RAB31: variants seen among roughly 807,000 people sequenced by gnomAD.
The protein encoded by RAB31 is RAB31, member RAS oncogene family.
A neutral mutation model predicts 25.6 loss-of-function variants in RAB31; 21 were observed. The ratio of observed to expected loss-of-function variants is 0.82; its 90% CI spans 0.58 to 1.18. The LOEUF is 1.18. RAB31 is among the 50% of genes most tolerant of loss of function. The pLI is 0.00. For missense variants in RAB31, 196 were observed against 250.1 expected (o/e 0.78, Z 1.46); for synonymous variants, 87 against 84.0 (o/e 1.04, Z -0.20).
Position 9,774,873 on chromosome 18 carries a change from T to G in RAB31, c.40-405T>G, listed in dbSNP as rs778579268. ...AAGGGTGATGCCTAGAGAAACAGAT[T>G]ACGTGTCTTTTGAATGCAAGGTTTT... On this transcript the variant is annotated intron_variant, in intron 1 of 6. Transcript: ENST00000578921. 5 of 519,618 alleles carry G rather than the reference T, an allele frequency of 9.6e-6. No individual in the cohort carries two copies. In the Admixed American group the frequency reaches 9.7e-5, roughly 10 times the overall value. 32.2% of individuals were successfully genotyped at this position (519,618 alleles called of 1,614,324 possible).
Position 9,839,041 on chromosome 18 carries a change from G to A in RAB31, c.381-6541G>A, listed in dbSNP as rs192023543. ...GCCTCCTGAGAGCCAGGTAATGTGAGGATCCCTGGACATGAAAACAAAAGC... is the reference window on the plus strand; with the variant it reads ...GCCTCCTGAGAGCCAGGTAATGTGAAGATCCCTGGACATGAAAACAAAAGC... On this transcript the variant is annotated intron_variant, in intron 5 of 6. Transcript: ENST00000578921. 3.9e-3 allele frequency among the ~76,000 whole-genome samples: 595 copies of A among 152,306 alleles called. 8 individuals are homozygous for A. Among genetic ancestry groups the A allele is most frequent in the African/African-American group, 0.014 (570 of 41,554 alleles).
chr18:9,775,300 G>A lies in RAB31; in HGVS notation c.62G>A (p.Ser21Asn). The change falls in exon 2 of 7, where the codon AGC becomes AAC. Residue 21 changes from serine (S) to asparagine (N), a missense_variant. Transcript: ENST00000578921. ...LLGDTGVGKSSIVCRFVQDHF... is the reference protein window; with the variant it reads ...LLGDTGVGKSNIVCRFVQDHF... ...TAGGACACTGGGGTTGGGAAATCAA[G>A]CATCGTGTGTCGATTTGTCCAGGAT... 1 of 1,613,844 alleles carries A rather than the reference G, an allele frequency of 6.2e-7. No homozygotes were observed. The highest frequency in any genetic ancestry group is 8.5e-7 in the Non-Finnish European group (1 of 1,179,810).
chr18:9,743,076 T>C (rs1248170931), intron 1 of RAB31, among the ~76,000 whole-genome samples: 2 of 152,222 alleles, frequency 1.3e-5, no homozygotes, highest in Non-Finnish European at 2.9e-5. Context: ...TGAAATGCCA[T>C]TGTACCAAGG....
intron 1 of RAB31, among the ~76,000 whole-genome samples, chr18:9,715,270 A>C (rs183460568): frequency 5.2e-4 from 79 of 151,444 alleles, no homozygotes; most frequent in Non-Finnish European, 1.0e-3. Context: ...GTGGGTGTGC[A>C]CTCCAGGCCC....
chr18:9,719,330 AATAAAT>A (rs1344349650), intron 1 of RAB31, among the ~76,000 whole-genome samples: 19 of 33,800 alleles, frequency 5.6e-4, no homozygotes, highest in East Asian at 2.4e-3. Context: ...TATATATATA[AATAAAT>A]AAATTTGATC....
intron 5 of RAB31, among the ~76,000 whole-genome samples, chr18:9,829,350 T>A (rs556795316): frequency 6.6e-6 from 1 of 152,372 alleles, no homozygotes; most frequent in South Asian, 2.1e-4. Flanking sequence ...TGTCGTTCAC[T>A]CAGCATGTTT....
chr18:9,800,427 T>C (rs999765421), intron 3 of RAB31, among the ~76,000 whole-genome samples: 2 of 152,234 alleles, frequency 1.3e-5, no homozygotes, highest in Admixed American at 6.5e-5. Flanking sequence ...TGACTTTCCA[T>C]GGCTCTGAAG....
At chr18:9,828,235 G>A (rs1404191589) in intron 5 of RAB31, among the ~76,000 whole-genome samples, 1 of 152,158 alleles carries the variant, frequency 6.6e-6, no homozygotes, top group Non-Finnish European at 1.5e-5. Flanking sequence ...TCAGAAGCAT[G>A]CAGAGTGGGT....
intron 2 of RAB31, among the ~76,000 whole-genome samples, chr18:9,783,306 C>T (rs1273859128): frequency 6.6e-6 from 1 of 152,192 alleles, no homozygotes; most frequent in African/African-American, 2.4e-5. Context: ...CCTCTGCTTC[C>T]TCTTCCTGGT....
intron 1 of RAB31, among the ~76,000 whole-genome samples, chr18:9,730,827 G>A (rs2145464890): frequency 6.6e-6 from 1 of 152,324 alleles, no homozygotes; most frequent in Non-Finnish European, 1.5e-5. Context: ...ATTTCCGTAA[G>A]CCTCTCTCTT....
chr18:9,720,577 G>GAC (rs374585498), intron 1 of RAB31, among the ~76,000 whole-genome samples: 4 of 151,944 alleles, frequency 2.6e-5, no homozygotes, highest in African/African-American at 7.2e-5. Flanking sequence ...ACTTACATGA[G>GAC]ACACACACAC....
chr18:9,781,110 C>T (rs1363894393), intron 2 of RAB31, among the ~76,000 whole-genome samples: 2 of 151,942 alleles, frequency 1.3e-5, no homozygotes, highest in Non-Finnish European at 2.9e-5. Context: ...TGGATATTAC[C>T]AAATTGTTTT....
intron 1 of RAB31, among the ~76,000 whole-genome samples, chr18:9,710,909 G>T (rs2068013409): frequency 7.3e-6 from 1 of 137,270 alleles, no homozygotes; most frequent in African/African-American, 3.0e-5. Flanking sequence ...CACCACATTT[G>T]TGGCTTCCTT....
intron 2 of RAB31, among the ~76,000 whole-genome samples, chr18:9,788,086 T>C (rs1473531566): frequency 2.6e-5 from 4 of 152,238 alleles, no homozygotes; most frequent in Non-Finnish European, 5.9e-5. Context: ...ATTCAATTAT[T>C]TGAAGATTCT....
At chr18:9,760,719 G>A (rs1031556) in intron 1 of RAB31, among the ~76,000 whole-genome samples, 1 of 151,952 alleles carries the variant, frequency 6.6e-6, no homozygotes, top group African/African-American at 2.4e-5. Flanking sequence ...ATCCTGTTTC[G>A]CCTAACATGT....
intron 4 of RAB31, chr18:9,814,905 C>A: frequency 2.6e-6 from 1 of 386,710 alleles, no homozygotes. Flanking sequence ...TTAACTAGAT[C>A]AAGTTTTAAT....
chr18:9,783,412 A>G (rs1390909669), intron 2 of RAB31, among the ~76,000 whole-genome samples: 1 of 152,064 alleles, frequency 6.6e-6, no homozygotes, highest in Non-Finnish European at 1.5e-5. Flanking sequence ...TGGACTGGAT[A>G]TTTTATATTT....
chr18:9,719,670 T>C (rs1033724485), intron 1 of RAB31, among the ~76,000 whole-genome samples: 2 of 152,130 alleles, frequency 1.3e-5, no homozygotes, highest in African/African-American at 4.8e-5. Context: ...TCCTGCCCTG[T>C]ATTTCTTCTG....
chr18:9,850,867 A>AAAAT lies in RAB31; in HGVS notation c.490+5199_490+5202dup, dbSNP rs10569954. Among the ~76,000 whole-genome samples, 245 of 150,340 alleles carry AAAAT rather than the reference A, an allele frequency of 1.6e-3. 2 individuals are homozygous for AAAAT. The highest frequency in any genetic ancestry group is 8.6e-3 in the Admixed American group (130 of 15,076). ...GGCAACAGAACGAGATCCTATCTCT[A>AAAAT]AAATAAATAAATAAATAAATAAATA... On this transcript the variant is annotated intron_variant, in intron 6 of 6. Coordinates refer to ENST00000578921, the MANE Select transcript of RAB31 (RefSeq NM_006868.4).
Sources: allele counts gnomAD v4.1 joint callset (sites outside exome capture counted in the v4.1 genomes callset), GRCh38; gene constraint gnomAD v4.1.1; transcripts MANE v1.5; gene names NCBI Gene and HGNC (gene_info 2026-07-23, HGNC 2026-07-21).